The following ZNF668 variants were observed in gnomAD, a reference collection of about 807,000 sequenced individuals.
ZNF668 encodes the protein zinc finger protein 668.
ZNF668 carries 10 observed loss-of-function variants against 40.3 expected under a neutral mutation model. The observed-to-expected ratio is 0.25, with a 90% CI of 0.15 to 0.42. ZNF668 has a LOEUF of 0.42. ZNF668 is among the 10% of genes least tolerant of loss of function. The pLI is 1.00. For synonymous variants in ZNF668, 428 were observed against 384.6 expected, an observed-to-expected ratio of 1.11 and a Z score of -1.32; for missense variants, 749 against 904.6, an observed-to-expected ratio of 0.83 and a Z score of 2.21.
chr16:31,062,357 T>C (rs1275405719), intron 2 of ZNF668, 77 bp from the exon 3 acceptor site: 23 of 1,503,066 alleles, frequency 1.5e-5, no homozygotes, highest in East Asian at 2.3e-5. Context: ...GGCTGTACTT[T>C]AGGGGCTCCC....
At position 31,061,060 on chromosome 16, in the gene ZNF668, C is replaced by T; in HGVS notation, c.*8G>A. 6.7e-7 allele frequency: 1 copy of T among 1,487,360 alleles called. No individual in the cohort carries two copies. The highest frequency in any genetic ancestry group is 2.4e-5 in the East Asian group (1 of 41,136). 92.1% of individuals were successfully genotyped at this position (1,487,360 alleles called of 1,614,324 possible). ...CTCCCGGAGTGTGGTGCTGGGGGGT[C>T]ATGGGCTTCAGGCCGGCCCCTCTTC... On this transcript the variant is annotated 3_prime_UTR_variant, in exon 3 of 3. Coordinates refer to ENST00000300849, the MANE Select transcript of ZNF668 (RefSeq NM_024706.5). This position sits in a 1 kb window ranked among gnomAD's most constrained non-coding sequence, Gnocchi z 7.7.
At chr16:31,073,348 C>T (rs1400081525) in intron 1 of ZNF668, 1 of 151,698 alleles carries the variant, frequency 6.6e-6, no homozygotes, top group Non-Finnish European at 1.5e-5. Context: ...CAGCGCGGGC[C>T]ACGCGACCGG....
chr16:31,073,349 A>C (rs1271327051), intron 1 of ZNF668: 1 of 151,624 alleles, frequency 6.6e-6, no homozygotes, highest in Non-Finnish European at 1.5e-5. Context: ...AGCGCGGGCC[A>C]CGCGACCGGG....
rs867888998 is a variant in ZNF668, at chr16:31,064,321, C to T, written c.139G>A (p.Ala47Thr). 1.2e-6 allele frequency: 2 copies of T among 1,613,916 alleles called. No individual in the cohort carries two copies. Among genetic ancestry groups the T allele is most frequent in the Non-Finnish European group, 1.7e-6 (2 of 1,180,032 alleles). Reference sequence around the variant, plus strand: ...TCGGCCACCTCTTCAGAGCAGTCTGCCGGCCCATGTGTGGCAGCGTGGCGC... The same window carrying T: ...TCGGCCACCTCTTCAGAGCAGTCTGTCGGCCCATGTGTGGCAGCGTGGCGC... ...AARHAATHGP[A>T]DCSEEVAEVK... Residue 47 changes from alanine to threonine, a missense_variant, in exon 2 of 3, where the codon GCA becomes ACA. Transcript: ENST00000300849.
chr16:31,063,804 C>A lies in ZNF668; in HGVS notation c.647+9G>T. 6.4e-7 allele frequency: 1 copy of A among 1,550,498 alleles called. No homozygotes were observed. ...CCGGAAGGCGCCCTGCCCCGGAAGG[C>A]ACCCTCACCGCTCATGGTTGCGGAG... is the stretch of plus-strand genomic sequence containing the variant. On this transcript the variant is annotated intron_variant, in intron 2 of 2. Coordinates refer to ENST00000300849, the MANE Select transcript of ZNF668 (RefSeq NM_024706.5).
chr16:31,065,407 TAAG>T (rs2056973371), intron 1 of ZNF668: 1 of 152,788 alleles, frequency 6.5e-6, no homozygotes, highest in Non-Finnish European at 1.5e-5. Flanking sequence ...CAGATCCACT[TAAG>T]GAGTGCTCAG....
At position 31,061,470 on chromosome 16, in the gene ZNF668, G is replaced by A. The variant is rs896980621; in HGVS notation, c.1458C>T (p.Cys486=). The A allele has an allele frequency of 1.2e-6, 2 of 1,613,576 alleles. No individual in the cohort carries two copies. The highest frequency in any genetic ancestry group is 2.7e-5 in the African/African-American group (2 of 75,048). The change falls in exon 3 of 3, where the codon TGC becomes TGT. Residue 486 remains cysteine, a synonymous_variant. Transcript: ENST00000300849. This position sits in a 1 kb window ranked among gnomAD's most constrained non-coding sequence, Gnocchi z 7.7. ...VVGMTVEHVE[C]QDAGVREAPG... ...GAGCCTCCCGGACACCAGCATCTTG[G>A]CATTCCACATGCTCCACCGTCATGC... is the stretch of plus-strand genomic sequence containing the variant.
rs1168729627 is a variant in ZNF668, at chr16:31,060,958, C to G, written c.*110G>C. The G allele has an allele frequency of 7.7e-7, 1 of 1,292,726 alleles. No individual in the cohort carries two copies. The highest frequency in any genetic ancestry group is 1.5e-5 in the African/African-American group (1 of 65,850). The allele number at this position is 1,292,726 out of a possible 1,614,324, so 80.1% of individuals were successfully genotyped here. A position where few individuals can be genotyped will look rare whatever the true frequency, so the allele number is the denominator to read the frequency against. ...AGCTGGCCGACAGGGGAGCTAGTTG[C>G]TGAGGGGTAGGGATCTGGAGTCTAA... On this transcript the variant is annotated 3_prime_UTR_variant, in exon 3 of 3. Transcript: ENST00000300849.
At position 31,064,078 on chromosome 16, in the gene ZNF668, G is replaced by A. The variant is rs759082830; in HGVS notation, c.382C>T (p.Arg128Cys). ...GRRFMQPVCL[R>C]VHLASHAGEL... ...CCAGCGTGCGAGGCCAGGTGCACGC[G>A]CAGGCACACGGGCTGCATGAAGCGG... The change falls in exon 2 of 3, where the codon CGC becomes TGC. Residue 128 changes from arginine to cysteine, a missense_variant. Transcript: ENST00000300849. 1.4e-5 allele frequency: 22 copies of A among 1,604,460 alleles called. No homozygotes were observed. The highest frequency in any genetic ancestry group is 1.8e-5 in the Non-Finnish European group (21 of 1,175,708).
chr16:31,064,578 ACC>A (rs745373935), intron 1 of ZNF668, 97 bp from the exon 2 acceptor site: 1 of 1,564,078 alleles, frequency 6.4e-7, no homozygotes, highest in Non-Finnish European at 8.6e-7. Context: ...TCACCTCGGA[ACC>A]CACACATCCT....
chr16:31,060,992 G>T lies in ZNF668; in HGVS notation c.*76C>A. ...AGGGATCTGGAGTCTAAAGAGCAGA[G>T]CCAGGCAAAAGGAGGTACAGGAAGC... On this transcript the variant is annotated 3_prime_UTR_variant, in exon 3 of 3. Transcript: ENST00000300849. 7.2e-7 allele frequency: 1 copy of T among 1,398,020 alleles called. No homozygotes were observed. Among genetic ancestry groups the T allele is most frequent in the African/African-American group, 1.5e-5 (1 of 68,124 alleles). The allele number at this position is 1,398,020 out of a possible 1,614,324, so 86.6% of individuals were successfully genotyped here.
At chr16:31,068,267 A>C (rs1596757213) in intron 1 of ZNF668, among the ~76,000 whole-genome samples, 2 of 112,966 alleles carry the variant, frequency 1.8e-5, no homozygotes, top group Admixed American at 2.0e-4. Flanking sequence ...TATATATATA[A>C]TTTTTGAGAT....
chr16:31,073,211 A>C (rs926029810), intron 1 of ZNF668: 2 of 152,456 alleles, frequency 1.3e-5, no homozygotes, highest in Admixed American at 6.5e-5. Context: ...AAGGATGAGG[A>C]GATGAACAAA....
chr16:31,063,672 G>A (rs2143762339), intron 2 of ZNF668, 141 bp downstream of exon 2: 6 of 985,914 alleles, frequency 6.1e-6, no homozygotes, highest in East Asian at 2.7e-5. Context: ...TCTCCCACAT[G>A]CCTAGCCCCT....
chr16:31,064,219 G>A lies in ZNF668; in HGVS notation c.241C>T (p.Pro81Ser). The change falls in exon 2 of 3, where the codon CCT becomes TCT. Residue 81 changes from proline (P) to serine (S), a missense_variant. Around this residue, in one of 4 missense-constraint regions of ZNF668, gnomAD observed 159 missense variants for 139.8 expected, o/e 1.14. Transcript: ENST00000300849. Reference protein sequence around the residue: ...GEKVSGSAAKPRPYACPLCPK... With the variant: ...GEKVSGSAAKSRPYACPLCPK... Reference sequence around the variant, plus strand: ...CATAGCGGACACGCATAGGGCCTAGGCTTGGCCGCGGAGCCTGACACCTTC... The same window carrying A: ...CATAGCGGACACGCATAGGGCCTAGACTTGGCCGCGGAGCCTGACACCTTC... The A allele has an allele frequency of 6.2e-7, 1 of 1,613,140 alleles. No individual in the cohort carries two copies. Among genetic ancestry groups the A allele is most frequent in the South Asian group, 1.1e-5 (1 of 91,092 alleles).
rs1407532464 is a variant in ZNF668, at chr16:31,064,006, G to C, written c.454C>G (p.Leu152Val). ...CGCTGGTGGATCTTGAGCTTGGAGAGCGCGCCATAGGCCTTCGGGCAGTGC... is the reference window on the plus strand; with the variant it reads ...CGCTGGTGGATCTTGAGCTTGGAGACCGCGCCATAGGCCTTCGGGCAGTGC... ...CAHCPKAYGALSKLKIHQRGH... is the reference protein window; with the variant it reads ...CAHCPKAYGAVSKLKIHQRGH... The change falls in exon 2 of 3, where the codon CTC (leucine) becomes GTC (valine). Residue 152 changes from leucine (L) to valine (V), a missense_variant. Leu to Val is a conservative substitution (Grantham distance 32, BLOSUM62 1). Around this residue, in one of 4 missense-constraint regions of ZNF668, gnomAD observed 151 missense variants for 178.6 expected, o/e 0.85. Transcript: ENST00000300849. 1.2e-6 allele frequency: 2 copies of C among 1,609,120 alleles called. No homozygotes were observed. The highest frequency in any genetic ancestry group is 2.7e-5 in the African/African-American group (2 of 74,870).
rs959441863 is a variant in ZNF668 at position 31,060,943 on chromosome 16, CAG to C, written c.*123_*124del. On this transcript the variant is annotated 3_prime_UTR_variant, in exon 3 of 3. Coordinates refer to ENST00000300849, the MANE Select transcript of ZNF668 (RefSeq NM_024706.5). ...TGTCCCAGCTCTCTTAGCTGGCCGACAGGGGAGCTAGTTGCTGAGGGGTAGGG... is the reference window on the plus strand; with the variant it reads ...TGTCCCAGCTCTCTTAGCTGGCCGACGGGAGCTAGTTGCTGAGGGGTAGGG... 163 of 1,212,748 alleles carry C rather than the reference CAG, an allele frequency of 1.3e-4. 1 individual carries two copies. In the Middle Eastern group the frequency reaches 1.9e-3, roughly 14 times the overall value. 75.1% of individuals were successfully genotyped at this position (1,212,748 alleles called of 1,614,324 possible).
rs1567397865 is a variant in ZNF668, at chr16:31,061,682, T to C, written c.1246A>G (p.Ser416Gly). Residue 416 changes from serine (S) to glycine (G), a missense_variant, in exon 3 of 3, where the codon AGC becomes GGC. Transcript: ENST00000300849. The surrounding 1 kb of genome is among the most constrained non-coding windows in gnomAD (Gnocchi z 7.7). ...SLRKHERTHR[S>G]SEAAGVPPAQ... ...GGGGGCACACCCGCGGCCTCACTGC[T>C]TCGATGGGTCCGCTCGTGCTTCCTC... The C allele has an allele frequency of 6.2e-7, 1 of 1,613,490 alleles. No homozygotes were observed. Among genetic ancestry groups the C allele is most frequent in the East Asian group, 2.2e-5 (1 of 44,856 alleles).
rs1006107936 is a variant in ZNF668 at position 31,064,915 on chromosome 16, A to G, written c.-22-434T>C. The G allele has an allele frequency of 2.2e-6, 3 of 1,389,012 alleles. No homozygotes were observed. In the African/African-American group the frequency reaches 4.4e-5, roughly 20 times the overall value. 86.0% of individuals were successfully genotyped at this position (1,389,012 alleles called of 1,614,324 possible). A position where few individuals can be genotyped will look rare whatever the true frequency, so the allele number is the denominator to read the frequency against. The stretch of plus-strand genomic sequence containing the variant: ...CAGAAAAGACAGACCTGGGACCAGA[A>G]AAGGGCTGAGCCAATGGGCTAAATC... On this transcript the variant is annotated intron_variant, in intron 1 of 2. Coordinates refer to ENST00000300849, the MANE Select transcript of ZNF668 (RefSeq NM_024706.5).
Sources: gnomAD v4.1 joint callset for allele counts (sites outside exome capture counted in the v4.1 genomes callset) on GRCh38, gnomAD v4.1.1 for gene constraint, gnomAD v4.1.1 regional missense constraint, Gnocchi (gnomAD v3.1) non-coding constraint, MANE v1.5 for transcripts, NCBI Gene and HGNC (gene_info 2026-07-23, HGNC 2026-07-21) for gene names.